The following GYS1 variants were observed in gnomAD, a reference collection of about 807,000 sequenced individuals.
GYS1 encodes glycogen synthase 1.
GYS1 carries 60 observed loss-of-function variants against 89.1 expected under a neutral mutation model. The observed-to-expected ratio is 0.67, with a 90% CI of 0.55 to 0.84. The LOEUF (loss-of-function observed/expected upper bound fraction) is 0.84, where lower values mean the gene tolerates loss of function less well. Among genes scored for constraint, GYS1 ranks in the 40% least tolerant of loss-of-function variants. The pLI, the probability that GYS1 is intolerant of heterozygous loss-of-function variation, is 0.00. For synonymous variants in GYS1, 366 were observed against 401.7 expected (o/e 0.91, Z 1.06); for missense variants, 888 against 1,003.1 (o/e 0.89, Z 1.55).
intron 2 of GYS1, among the ~76,000 whole-genome samples, chr19:48,988,122 T>A (rs868724769): frequency 2.0e-5 from 3 of 152,178 alleles, no homozygotes; most frequent in African/African-American, 7.2e-5. Context: ...TTCCTGTAAC[T>A]GCTACCCTTC....
At chr19:48,974,082 A>G in intron 12 of GYS1, 131 bp downstream of exon 12, 1 of 957,630 alleles carries the variant, frequency 1.0e-6, no homozygotes, top group South Asian at 1.4e-5. Context: ...CTGTAGCAGA[A>G]CAGGTGATTA....
At chr19:48,981,161 T>C (rs1478519507) in intron 8 of GYS1, among the ~76,000 whole-genome samples, 1 of 149,122 alleles carries the variant, frequency 6.7e-6, no homozygotes, top group African/African-American at 2.5e-5. Flanking sequence ...ATGCCTGTAA[T>C]TCCAGCACTT....
rs141668093 is a variant in GYS1 at position 48,975,062 on chromosome 19, C to T, written c.1309-329G>A. ...TCTCCTGCCTCAGCCTCCCGAGTAG[C>T]TGGAACTACAGGCGCCTACCACCAC... On this transcript the variant is annotated intron_variant, in intron 10 of 15. Coordinates refer to ENST00000323798, the MANE Select transcript of GYS1 (RefSeq NM_002103.5). Among the ~76,000 whole-genome samples the T allele has an allele frequency of 0.11, 16,419 of 152,054 alleles. 959 individuals are homozygous for T. The highest frequency in any genetic ancestry group is 0.14 in the Admixed American group (2,190 of 15,258).
At chr19:48,981,391 C>T (rs568609403) in intron 8 of GYS1, 139 bp downstream of exon 8, 27 of 683,748 alleles carry the variant, frequency 3.9e-5, no homozygotes, top group South Asian at 1.9e-4. Context: ...CCAGCCTGGG[C>T]GACAGAGTGA....
chr19:48,991,749 CT>C lies in GYS1; in HGVS notation c.119-267del, dbSNP rs1334340125. ...GGAGGAGGGGGCTCAGGCTAGACTT[CT>C]GGGTCTGAGAGAGAAGGGGCTGGGT... is the stretch of plus-strand genomic sequence containing the variant. On this transcript the variant is annotated intron_variant, in intron 1 of 15. Transcript: ENST00000323798. This position sits in a 1 kb window ranked among gnomAD's most constrained non-coding sequence, Gnocchi z 4.7. Among the ~76,000 whole-genome samples the C allele has an allele frequency of 6.6e-6, 1 of 152,120 alleles. No individual in the cohort carries two copies. The highest frequency in any genetic ancestry group is 1.5e-5 in the Non-Finnish European group (1 of 68,006).
At chr19:48,992,705 C>A (rs1387438405) in intron 1 of GYS1, among the ~76,000 whole-genome samples, 1 of 152,124 alleles carries the variant, frequency 6.6e-6, no homozygotes, top group African/African-American at 2.4e-5. Context: ...CTGTTCAGGA[C>A]CCAGGTATCT....
At position 48,970,941 on chromosome 19, in the gene GYS1, G is replaced by T. The variant is rs1452203953; in HGVS notation, c.1632C>A (p.Asp544Glu). The T allele has an allele frequency of 6.2e-7, 1 of 1,612,824 alleles. No individual in the cohort carries two copies. Among genetic ancestry groups the T allele is most frequent in the East Asian group, 2.2e-5 (1 of 44,868 alleles). The change falls in exon 13 of 16, where the codon GAC (aspartate) becomes GAA (glutamate). Residue 544 changes from aspartate to glutamate, a missense_variant. By Grantham distance (45) the Asp-to-Glu change is conservative. Coordinates refer to ENST00000323798, the MANE Select transcript of GYS1 (RefSeq NM_002103.5). The part of the protein sequence containing the change: ...FGCFMEEHIA[D>E]PSAYGIYILD... ...CTGGGCGCTGACCGTAAGCTGAGGG[G>T]TCTGCGATGTGTTCCTCCATGAAGC...
intron 13 of GYS1, 77 bp from the exon 14 acceptor site, chr19:48,970,786 A>T: frequency 6.7e-7 from 1 of 1,491,076 alleles, no homozygotes; most frequent in Non-Finnish European, 9.3e-7. Context: ...TGGCACCAGG[A>T]CCCCTCCTCT....
chr19:48,969,886 T>G, intron 14 of GYS1, 31 bp from the exon 15 acceptor site: 1 of 1,531,996 alleles, frequency 6.5e-7, no homozygotes, highest in Non-Finnish European at 9.0e-7. Context: ...GGGCAGAGGA[T>G]GTGAGAGCCA....
intron 14 of GYS1, 54 bp from the exon 15 acceptor site, chr19:48,969,909 A>ATCATCTGCCTG: frequency 7.9e-7 from 1 of 1,269,444 alleles, no homozygotes; most frequent in Non-Finnish European, 1.2e-6. Flanking sequence ...CCCCACCCCC[A>ATCATCTGCCTG]GGCAGATGAT....
rs1345711470 is a variant in GYS1, at chr19:48,991,022, GCT to G, written c.300+278_300+279del. Among the ~76,000 whole-genome samples the G allele has an allele frequency of 6.6e-6, 1 of 152,188 alleles. No individual in the cohort carries two copies. Among genetic ancestry groups the G allele is most frequent in the African/African-American group, 2.4e-5 (1 of 41,454 alleles). ...GTTGACCAGGCTGTCTTTCGATCTT[GCT>G]CTCTTTCTCTCTGGGTCTGAGGACC... On this transcript the variant is annotated intron_variant, in intron 2 of 15. Coordinates refer to ENST00000323798, the MANE Select transcript of GYS1 (RefSeq NM_002103.5). The surrounding 1 kb of genome is among the most constrained non-coding windows in gnomAD (Gnocchi z 4.7).
chr19:48,985,168 C>T (rs929719164), intron 5 of GYS1, among the ~76,000 whole-genome samples: 4 of 152,184 alleles, frequency 2.6e-5, no homozygotes, highest in African/African-American at 4.8e-5. Context: ...CCTCCCACCT[C>T]AGCCTCCTGA....
rs1345399896 is a variant in GYS1, at chr19:48,968,696, G to A, written c.*592C>T. 1 of 454,132 alleles carries A rather than the reference G, an allele frequency of 2.2e-6. No individual in the cohort carries two copies. The highest frequency in any genetic ancestry group is 2.0e-5 in the African/African-American group (1 of 50,132). The allele number at this position is 454,132 out of a possible 1,614,324, so 28.1% of individuals were successfully genotyped here. On this transcript the variant is annotated 3_prime_UTR_variant, in exon 16 of 16. Coordinates refer to ENST00000323798, the MANE Select transcript of GYS1 (RefSeq NM_002103.5). ...GGAGCCGGATGGAGGGATCCTCCAGGCAGAGCCTGGCTCTGACATGCCAGG... is the reference window on the plus strand; with the variant it reads ...GGAGCCGGATGGAGGGATCCTCCAGACAGAGCCTGGCTCTGACATGCCAGG...
intron 10 of GYS1, among the ~76,000 whole-genome samples, chr19:48,975,632 AATTC>A (rs2038633629): frequency 6.6e-6 from 1 of 151,840 alleles, no homozygotes; most frequent in Non-Finnish European, 1.5e-5. Flanking sequence ...TCCTTATGAA[AATTC>A]ACTTCCAACC....
chr19:48,982,175 G>A, intron 7 of GYS1, 80 bp downstream of exon 7: 3 of 1,431,252 alleles, frequency 2.1e-6, no homozygotes, highest in South Asian at 1.1e-5. Context: ...TTACAGGTGT[G>A]AGCCACTGTG....
chr19:48,970,725 C>T lies in GYS1; in HGVS notation c.1646-16G>A. On this transcript the variant is annotated splice_polypyrimidine_tract_variant and intron_variant, in intron 13 of 15. Coordinates refer to ENST00000323798, the MANE Select transcript of GYS1 (RefSeq NM_002103.5). ...ATGTAGATACCTGTGGAGGCCAGGA[C>T]CCAGGTTCAGAAAACATCCTGGGGA... 2 of 1,612,924 alleles carry T rather than the reference C, an allele frequency of 1.2e-6. No homozygotes were observed. Among genetic ancestry groups the T allele is most frequent in the South Asian group, 1.1e-5 (1 of 90,896 alleles).
intron 5 of GYS1, among the ~76,000 whole-genome samples, chr19:48,984,277 G>A (rs2038807338): frequency 6.6e-6 from 1 of 152,018 alleles, no homozygotes. Context: ...AAAGTGCTGG[G>A]ATTACAGGTG....
intron 5 of GYS1, 51 bp downstream of exon 5, chr19:48,985,409 AT>A: frequency 6.3e-7 from 1 of 1,594,404 alleles, no homozygotes; most frequent in South Asian, 1.1e-5. Flanking sequence ...TGGCTTTGGC[AT>A]AGACAGCTGC....
At chr19:48,977,867 G>C in intron 10 of GYS1, 57 bp downstream of exon 10, 1 of 1,351,402 alleles carries the variant, frequency 7.4e-7, no homozygotes, top group South Asian at 1.2e-5. Context: ...GGCCTGGCAA[G>C]CTGCCTCTGG....
Sources: allele counts gnomAD v4.1 joint callset (sites outside exome capture counted in the v4.1 genomes callset), GRCh38; gene constraint gnomAD v4.1.1; non-coding constraint Gnocchi (gnomAD v3.1); transcripts MANE v1.5; gene names NCBI Gene and HGNC (gene_info 2026-07-23, HGNC 2026-07-21).